Variants in NRTN observed in about 807,000 individuals in gnomAD.
NRTN encodes the protein prepro-neurturin.
A neutral mutation model predicts 7.5 loss-of-function variants in NRTN; 3 were observed. The ratio of observed to expected loss-of-function variants is 0.40; its 90% confidence interval spans 0.18 to 1.03. The LOEUF (loss-of-function observed/expected upper bound fraction) is 1.03. Ranked by LOEUF, NRTN falls within the 50% of genes least tolerant of loss-of-function variation. The probability of loss-of-function intolerance (pLI) is 0.34; values close to 1 mark genes in which losing one functional copy is unlikely to be tolerated. For missense variants in NRTN, 310 were observed against 307.0 expected (o/e 1.01, Z -0.07); for synonymous variants, 157 against 146.6 (o/e 1.07, Z -0.51).
chr19:5,820,543 C>T (rs1484572350), intron 1 of NRTN, among the ~76,000 whole-genome samples: 6 of 133,434 alleles, frequency 4.5e-5, no homozygotes, highest in South Asian at 2.4e-4. Flanking sequence ...TCAGCCTGGG[C>T]GACAGAGTGA....
chr19:5,805,948 G>A (rs1478979984), intron 1 of NRTN, among the ~76,000 whole-genome samples: 2 of 152,052 alleles, frequency 1.3e-5, no homozygotes, highest in African/African-American at 4.8e-5. Flanking sequence ...GCTCGCCGCC[G>A]CCGCCGCCGG....
chr19:5,813,727 T>C (rs148487998), intron 1 of NRTN, among the ~76,000 whole-genome samples: 6,791 of 145,096 alleles, frequency 0.047, 519 homozygotes, highest in African/African-American at 0.16. Context: ...GTAGTCCCAG[T>C]TACTCGGGAG....
Position 5,824,154 on chromosome 19 carries a change from C to CG in NRTN, c.-11dup. 1 of 1,605,222 alleles carries CG rather than the reference C, an allele frequency of 6.2e-7. No individual in the cohort carries two copies. Among genetic ancestry groups the CG allele is most frequent in the Non-Finnish European group, 8.5e-7 (1 of 1,179,816 alleles). Reference sequence around the variant, plus strand: ...GGCGTGCGGCTGACCATCCCGTGCCCGCAGGCTGAGGATGCAGCGCTGGAA... The same window carrying CG: ...GGCGTGCGGCTGACCATCCCGTGCCCGGCAGGCTGAGGATGCAGCGCTGGAA... On this transcript the variant is annotated 5_prime_UTR_variant, in exon 2 of 3. Coordinates refer to ENST00000303212, the MANE Select transcript of NRTN (RefSeq NM_004558.5).
intron 1 of NRTN, among the ~76,000 whole-genome samples, chr19:5,815,045 C>T (rs962154238): frequency 1.8e-4 from 27 of 152,240 alleles, no homozygotes; most frequent in African/African-American, 6.3e-4. Context: ...CCTCCTGAGT[C>T]CCCCGGCCCC....
chr19:5,817,919 C>T (rs1357522371), intron 1 of NRTN, among the ~76,000 whole-genome samples: 1 of 152,238 alleles, frequency 6.6e-6, no homozygotes, highest in East Asian at 1.9e-4. Flanking sequence ...CCTGCCTCAG[C>T]CTCCCGAGTA....
At chr19:5,805,498 C>T (rs989319466) in intron 1 of NRTN, among the ~76,000 whole-genome samples, 47 bp downstream of exon 1, 4 of 151,674 alleles carry the variant, frequency 2.6e-5, no homozygotes, top group African/African-American at 9.7e-5. Flanking sequence ...CAGGGTACGA[C>T]GGGGACGACC....
At chr19:5,811,944 A>G (rs1322371717) in intron 1 of NRTN, among the ~76,000 whole-genome samples, 3 of 151,678 alleles carry the variant, frequency 2.0e-5, no homozygotes, top group African/African-American at 7.3e-5. Context: ...ATCTTGGCCC[A>G]CTGCAAGCTC....
chr19:5,824,362 A>G (rs777345801), intron 2 of NRTN, 28 bp downstream of exon 2: 2 of 1,580,882 alleles, frequency 1.3e-6, no homozygotes, highest in Non-Finnish European at 1.7e-6. Flanking sequence ...GTGGGGTCAG[A>G]TACCCCCAAC....
At chr19:5,809,703 C>T (rs1314931158) in intron 1 of NRTN, among the ~76,000 whole-genome samples, 2 of 152,152 alleles carry the variant, frequency 1.3e-5, no homozygotes, top group Non-Finnish European at 2.9e-5. Flanking sequence ...CCCAGCCGGG[C>T]ACTCTGGGCT....
intron 1 of NRTN, among the ~76,000 whole-genome samples, chr19:5,821,378 C>T (rs1397384252): frequency 7.1e-6 from 1 of 141,394 alleles, no homozygotes; most frequent in Non-Finnish European, 1.5e-5. Context: ...AATCTCAGCT[C>T]ACTGCAACCT....
At chr19:5,813,108 C>T (rs563985559) in intron 1 of NRTN, among the ~76,000 whole-genome samples, 7 of 152,244 alleles carry the variant, frequency 4.6e-5, no homozygotes, top group African/African-American at 1.4e-4. Flanking sequence ...GGCATGGTGG[C>T]TCACACCTGT....
intron 1 of NRTN, among the ~76,000 whole-genome samples, chr19:5,823,324 G>C (rs568238511): frequency 6.6e-5 from 10 of 152,092 alleles, no homozygotes; most frequent in Non-Finnish European, 1.5e-4. Context: ...GGCTGAGGCA[G>C]GAGAATCGCT....
At chr19:5,822,890 C>T (rs904917806) in intron 1 of NRTN, among the ~76,000 whole-genome samples, 2 of 151,972 alleles carry the variant, frequency 1.3e-5, no homozygotes, top group Non-Finnish European at 2.9e-5. Context: ...CACGGTGGCT[C>T]ATGCCTGTAG....
chr19:5,825,329 C>T (rs2057042046), intron 2 of NRTN, among the ~76,000 whole-genome samples: 1 of 152,180 alleles, frequency 6.6e-6, no homozygotes, highest in South Asian at 2.1e-4. Flanking sequence ...CGCACATGTC[C>T]ATGCGTGCGC....
Position 5,820,571 on chromosome 19 carries a change from A to AC in NRTN, c.-398-3197_-398-3196insC, listed in dbSNP as rs1173581591. ...CAGAGTGAGACTCCGTCTCAAAAAAAAAAAAAAATTACTTAGACATGGTGG... is the reference window on the plus strand; with the variant it reads ...CAGAGTGAGACTCCGTCTCAAAAAAACAAAAAAAATTACTTAGACATGGTGG... On this transcript the variant is annotated intron_variant, in intron 1 of 2. Transcript: ENST00000303212. 6.0e-4 allele frequency among the ~76,000 whole-genome samples: 89 copies of AC among 148,760 alleles called. 1 individual carries two copies. The highest frequency in any genetic ancestry group is 3.4e-3 in the Middle Eastern group (1 of 292).
chr19:5,826,028 G>A (rs1015075152), intron 2 of NRTN, among the ~76,000 whole-genome samples: 8 of 152,106 alleles, frequency 5.3e-5, no homozygotes, highest in African/African-American at 1.9e-4. Context: ...CCAGCTACTC[G>A]GGAGGCTGAG....
chr19:5,828,159 T>A lies in NRTN; in HGVS notation c.580T>A (p.Cys194Ser). Residue 194 changes from cysteine to serine, a missense_variant, in exon 3 of 3, where the codon TGC (cysteine) becomes AGC (serine). By Grantham distance (112) the Cys-to-Ser change is moderately radical (BLOSUM62 -1). Coordinates refer to ENST00000303212, the MANE Select transcript of NRTN (RefSeq NM_004558.5). ...GGTGCACGAGCTGTCGGCGCGCGAGTGCGCCTGCGTGTGACCCTACCTCAC... is the reference window on the plus strand; with the variant it reads ...GGTGCACGAGCTGTCGGCGCGCGAGAGCGCCTGCGTGTGACCCTACCTCAC... ...HTVHELSARE[C>S]ACV 6.5e-7 allele frequency: 1 copy of A among 1,529,572 alleles called. No homozygotes were observed. Among genetic ancestry groups the A allele is most frequent in the Non-Finnish European group, 8.7e-7 (1 of 1,144,076 alleles). 94.8% of individuals were successfully genotyped at this position (1,529,572 alleles called of 1,614,324 possible).
rs547617555 is a variant in NRTN at position 5,823,980 on chromosome 19, C to A, written c.-186C>A. 2 of 800,820 alleles carry A rather than the reference C, an allele frequency of 2.5e-6. No individual in the cohort carries two copies. Among genetic ancestry groups the A allele is most frequent in the African/African-American group, 3.4e-5 (2 of 58,850 alleles). 49.6% of individuals were successfully genotyped at this position (800,820 alleles called of 1,614,324 possible). ...GGGCGGTTCCCTGTGACTCCTGGCA[C>A]GGAGGCCAACCCCTTCCTTGTTCAA... On this transcript the variant is annotated 5_prime_UTR_variant, in exon 2 of 3. Coordinates refer to ENST00000303212, the MANE Select transcript of NRTN (RefSeq NM_004558.5).
At position 5,808,976 on chromosome 19, in the gene NRTN, T is replaced by C. The variant is rs534571114; in HGVS notation, c.-399+3525T>C. The stretch of plus-strand genomic sequence containing the variant: ...TTCACTGTGTTAGCCAGGATGGTCT[T>C]GATCTCCTGACCTCATGATCCTCCC... On this transcript the variant is annotated intron_variant, in intron 1 of 2. Transcript: ENST00000303212. Among the ~76,000 whole-genome samples the C allele has an allele frequency of 4.2e-4, 64 of 151,900 alleles. 1 individual carries two copies. Among genetic ancestry groups the C allele is most frequent in the African/African-American group, 1.4e-3 (57 of 41,470 alleles).
Sources: allele counts gnomAD v4.1 joint callset (sites outside exome capture counted in the v4.1 genomes callset), GRCh38; gene constraint gnomAD v4.1.1; transcripts MANE v1.5; gene names NCBI Gene and HGNC (gene_info 2026-07-23, HGNC 2026-07-21).